The following RPLP0 variants were observed in gnomAD, a reference collection of about 807,000 sequenced individuals.
The protein encoded by RPLP0 is large ribosomal subunit protein uL10.
For missense variants in RPLP0, 276 were observed against 402.9 expected, an observed-to-expected ratio of 0.69 and a Z score of 2.70; for synonymous variants, 137 against 153.4, an observed-to-expected ratio of 0.89 and a Z score of 0.79.
chr12:120,200,212 C>A (rs531556535), intron 2 of RPLP0: 1 of 422,456 alleles, frequency 2.4e-6, no homozygotes, highest in Non-Finnish European at 4.8e-6. Flanking sequence ...CACCTGTAAT[C>A]CTAGCACTTA....
rs374455902 is a variant in RPLP0 at position 120,196,815 on chromosome 12, C to G, written c.912G>C (p.Ser304=). The G allele has an allele frequency of 6.3e-7, 1 of 1,599,494 alleles. No homozygotes were observed. The highest frequency in any genetic ancestry group is 1.3e-5 in the African/African-American group (1 of 74,640). The change falls in exon 8 of 8, where the codon TCG becomes TCC. Residue 304 remains serine (S), a synonymous_variant. Coordinates refer to ENST00000392514, the MANE Select transcript of RPLP0 (RefSeq NM_001002.4). The stretch of plus-strand genomic sequence containing the variant: ...ATCCCATATCCTCGTCCGACTCCTC[C>G]GACTCTTCCTTGGCTTCAACCTTAG... The part of the protein sequence containing the change: ...APAKVEAKEE[S]EESDEDMGFG...
At chr12:120,201,029 CCCT>C in intron 1 of RPLP0, 51 bp downstream of exon 1, 1 of 503,584 alleles carries the variant, frequency 2.0e-6, no homozygotes, top group African/African-American at 2.0e-5. Context: ...CCCCAAAGAC[CCCT>C]CCATGCTTCC....
intron 1 of RPLP0, 117 bp from the exon 2 acceptor site, chr12:120,200,948 T>C: frequency 7.8e-7 from 1 of 1,286,288 alleles, no homozygotes. Context: ...GCAGCGGCCG[T>C]CATCTCGGGG....
Position 120,198,544 on chromosome 12 carries a change from C to T in RPLP0, c.651+10G>A, listed in dbSNP as rs763953360. ...TCAGTGTAAGAGGGGGCAAGGCTGACAGCATATACCTCCAGGAAGCGAGAA... is the reference window on the plus strand; with the variant it reads ...TCAGTGTAAGAGGGGGCAAGGCTGATAGCATATACCTCCAGGAAGCGAGAA... On this transcript the variant is annotated intron_variant, in intron 6 of 7. Coordinates refer to ENST00000392514, the MANE Select transcript of RPLP0 (RefSeq NM_001002.4). This position sits in a 1 kb window ranked among gnomAD's most constrained non-coding sequence, Gnocchi z 4.1. 2 of 1,614,086 alleles carry T rather than the reference C, an allele frequency of 1.2e-6. No individual in the cohort carries two copies. Among genetic ancestry groups the T allele is most frequent in the South Asian group, 1.1e-5 (1 of 91,076 alleles).
In RPLP0 at chr12:120,198,383, CT is replaced by C; in HGVS notation, c.651+170del. ...CCTGGGCGACACAGCAAGACTCTGT[CT>C]CCAAAAAAAAAAAAAAAAAATCCTT... On this transcript the variant is annotated intron_variant, in intron 6 of 7. Transcript: ENST00000392514. The surrounding 1 kb of genome is among the most constrained non-coding windows in gnomAD (Gnocchi z 4.1). 4 of 676,788 alleles carry C rather than the reference CT, an allele frequency of 5.9e-6. No individual in the cohort carries two copies. In the East Asian group the frequency reaches 1.2e-4, roughly 20 times the overall value. 41.9% of individuals were successfully genotyped at this position (676,788 alleles called of 1,614,324 possible).
At chr12:120,199,918 C>T (rs1394501064) in intron 2 of RPLP0, 2 of 416,488 alleles carry the variant, frequency 4.8e-6, no homozygotes, top group East Asian at 7.2e-5. Flanking sequence ...GATTGTTACA[C>T]AATTCCTTTG....
In RPLP0 at chr12:120,200,750, T is replaced by C; in HGVS notation, c.34A>G (p.Asn12Asp). The C allele has an allele frequency of 6.2e-7, 1 of 1,611,648 alleles. No individual in the cohort carries two copies. Among genetic ancestry groups the C allele is most frequent in the South Asian group, 1.1e-5 (1 of 90,632 alleles). ...PREDRATWKS[N>D]YFLKIIQLLD... ...CTTACGATGATCTTAAGGAAGTAGT[T>C]GGACTTCCAGGTCGCCCTGTCTTCC... Residue 12 changes from asparagine (N) to aspartate (D), a missense_variant, in exon 2 of 8, where the codon AAC becomes GAC. Asn to Asp is a conservative substitution (Grantham distance 23). Coordinates refer to ENST00000392514, the MANE Select transcript of RPLP0 (RefSeq NM_001002.4).
chr12:120,199,406 A>G lies in RPLP0; in HGVS notation c.134T>C (p.Met45Thr). 4 of 1,614,168 alleles carry G rather than the reference A, an allele frequency of 2.5e-6. No individual in the cohort carries two copies. The highest frequency in any genetic ancestry group is 3.4e-6 in the Non-Finnish European group (4 of 1,180,036). ...CACCACAGCCTTCCCGCGAAGGGAC[A>G]TGCGGATCTGCTGCATCTGCTTGGA... Reference protein sequence around the residue: ...VGSKQMQQIRMSLRGKAVVLM... With the variant: ...VGSKQMQQIRTSLRGKAVVLM... The change falls in exon 3 of 8, where the codon ATG (methionine) becomes ACG (threonine). Residue 45 changes from methionine (M) to threonine (T), a missense_variant. Coordinates refer to ENST00000392514, the MANE Select transcript of RPLP0 (RefSeq NM_001002.4).
At position 120,198,101 on chromosome 12, in the gene RPLP0, ATTAAATCC is replaced by A. The variant is rs1483136558; in HGVS notation, c.651+445_651+452del. On this transcript the variant is annotated intron_variant, in intron 6 of 7. Coordinates refer to ENST00000392514, the MANE Select transcript of RPLP0 (RefSeq NM_001002.4). The surrounding 1 kb of genome is among the most constrained non-coding windows in gnomAD (Gnocchi z 4.1). The stretch of plus-strand genomic sequence containing the variant: ...CCCAGCACTGTACATCCATTAATTC[ATTAAATCC>A]TTTGGCCAGGCGTGGTGGCTCATGC... Among the ~76,000 whole-genome samples, 9 of 152,124 alleles carry A rather than the reference ATTAAATCC, an allele frequency of 5.9e-5. No homozygotes were observed. The highest frequency in any genetic ancestry group is 3.2e-3 in the Middle Eastern group (1 of 316).
intron 2 of RPLP0, 125 bp downstream of exon 2, chr12:120,200,605 A>G (rs2136129013): frequency 2.9e-6 from 3 of 1,035,074 alleles, no homozygotes; most frequent in Non-Finnish European, 2.8e-6. Flanking sequence ...TTAACTAAAC[A>G]GTATTTTCCC....
chr12:120,199,397 C>T lies in RPLP0; in HGVS notation c.143G>A (p.Arg48His), dbSNP rs11548364. 1.2e-5 allele frequency: 19 copies of T among 1,614,112 alleles called. No individual in the cohort carries two copies. The highest frequency in any genetic ancestry group is 8.9e-5 in the East Asian group (4 of 44,886). Reference sequence around the variant, plus strand: ...GCCCATCAGCACCACAGCCTTCCCGCGAAGGGACATGCGGATCTGCTGCAT... The same window carrying T: ...GCCCATCAGCACCACAGCCTTCCCGTGAAGGGACATGCGGATCTGCTGCAT... ...KQMQQIRMSLRGKAVVLMGKN... is the reference protein window; with the variant it reads ...KQMQQIRMSLHGKAVVLMGKN... Residue 48 changes from arginine (R) to histidine (H), a missense_variant, in exon 3 of 8, where the codon CGC becomes CAC. Physicochemically the swap from Arg to His is conservative, Grantham distance 29. Coordinates refer to ENST00000392514, the MANE Select transcript of RPLP0 (RefSeq NM_001002.4).
rs925292107 is a variant in RPLP0, at chr12:120,198,310, G to A, written c.651+244C>T. 1.1e-4 allele frequency: 51 copies of A among 466,362 alleles called. No individual in the cohort carries two copies. Among genetic ancestry groups the A allele is most frequent in the African/African-American group, 4.4e-4 (22 of 50,150 alleles). The allele number at this position is 466,362 out of a possible 1,614,324, so 28.9% of individuals were successfully genotyped here. A position where few individuals can be genotyped will look rare whatever the true frequency, so the allele number is the denominator to read the frequency against. ...TGAGGCAGGAGAATGGTGTGAACCC[G>A]GAGGCGGAGCTTGCAGTGAGCCGGG... On this transcript the variant is annotated intron_variant, in intron 6 of 7. Coordinates refer to ENST00000392514, the MANE Select transcript of RPLP0 (RefSeq NM_001002.4). The surrounding 1 kb of genome is among the most constrained non-coding windows in gnomAD (Gnocchi z 4.1).
At chr12:120,200,498 C>A in intron 2 of RPLP0, 2 of 521,418 alleles carry the variant, frequency 3.8e-6, no homozygotes, top group Non-Finnish European at 6.8e-6. Flanking sequence ...CTTTTAGAAG[C>A]CAGACAGACC....
Position 120,198,776 on chromosome 12 carries a change from G to A in RPLP0, c.466-37C>T, listed in dbSNP as rs1368953053. The A allele has an allele frequency of 1.2e-6, 2 of 1,610,246 alleles. No individual in the cohort carries two copies. Among genetic ancestry groups the A allele is most frequent in the East Asian group, 2.2e-5 (1 of 44,838 alleles). On this transcript the variant is annotated intron_variant, in intron 5 of 7. Transcript: ENST00000392514. This position sits in a 1 kb window ranked among gnomAD's most constrained non-coding sequence, Gnocchi z 4.1. ...AATAGTGGGGCAGTAAACACCTGTTGGACAACCAGCAGATCCATGGCCACT... is the reference window on the plus strand; with the variant it reads ...AATAGTGGGGCAGTAAACACCTGTTAGACAACCAGCAGATCCATGGCCACT...
At chr12:120,200,629 T>C (rs1196865642) in intron 2 of RPLP0, 101 bp downstream of exon 2, 6 of 1,325,462 alleles carry the variant, frequency 4.5e-6, no homozygotes, top group Non-Finnish European at 5.2e-6. Context: ...AATGGCCTAA[T>C]TCAGTAGCCG....
intron 2 of RPLP0, chr12:120,200,462 A>T (rs578262430): frequency 1.2e-4 from 21 of 176,116 alleles, no homozygotes; most frequent in East Asian, 5.6e-4. Flanking sequence ...GACTCCGTTT[A>T]AAAAAAAAAA....
In RPLP0 at chr12:120,200,800, G is replaced by C. The variant is rs374029073; in HGVS notation, c.-17C>G. 1 of 1,609,184 alleles carries C rather than the reference G, an allele frequency of 6.2e-7. No individual in the cohort carries two copies. Reference sequence around the variant, plus strand: ...CCTGGGCATCACGGCGGTGCGTCAGGGATTGCCACGCAGGGTTTAAAGACG... The same window carrying C: ...CCTGGGCATCACGGCGGTGCGTCAGCGATTGCCACGCAGGGTTTAAAGACG... On this transcript the variant is annotated 5_prime_UTR_variant, in exon 2 of 8. Coordinates refer to ENST00000392514, the MANE Select transcript of RPLP0 (RefSeq NM_001002.4).
At chr12:120,197,667 G>A (rs1227611258) in intron 6 of RPLP0, 1 of 592,594 alleles carries the variant, frequency 1.7e-6, no homozygotes, top group Admixed American at 3.0e-5. Context: ...CCAAATCCAG[G>A]TCTTCTGTAT....
chr12:120,198,005 C>T lies in RPLP0; in HGVS notation c.652-543G>A, dbSNP rs1290459903. Among the ~76,000 whole-genome samples, 3 of 152,032 alleles carry T rather than the reference C, an allele frequency of 2.0e-5. No individual in the cohort carries two copies. The highest frequency in any genetic ancestry group is 2.1e-4 in the South Asian group (1 of 4,820). ...GTGCAGTGGCACCATGTCAGCTCACCGCAACCTCCACCTCTTAAAAGGCTT... is the reference window on the plus strand; with the variant it reads ...GTGCAGTGGCACCATGTCAGCTCACTGCAACCTCCACCTCTTAAAAGGCTT... On this transcript the variant is annotated intron_variant, in intron 6 of 7. Coordinates refer to ENST00000392514, the MANE Select transcript of RPLP0 (RefSeq NM_001002.4). The surrounding 1 kb of genome is among the most constrained non-coding windows in gnomAD (Gnocchi z 4.1).
Sources: gnomAD v4.1 joint callset for allele counts (sites outside exome capture counted in the v4.1 genomes callset) on GRCh38, gnomAD v4.1.1 for gene constraint, Gnocchi (gnomAD v3.1) non-coding constraint, MANE v1.5 for transcripts, NCBI Gene and HGNC (gene_info 2026-07-23, HGNC 2026-07-21) for gene names.